Variants in SHANK2 observed in about 807,000 individuals in gnomAD.
The protein encoded by SHANK2 is SH3 and multiple ankyrin repeat domains protein 2.
A neutral mutation model predicts 133.7 loss-of-function variants in SHANK2; 43 were observed. The observed-to-expected ratio is 0.32, with a 90% confidence interval of 0.25 to 0.41. SHANK2 has a LOEUF of 0.41. Among genes scored for constraint, SHANK2 ranks in the 10% least tolerant of loss-of-function variants. The probability of loss-of-function intolerance (pLI) is 1.00; values close to 1 mark genes in which losing one functional copy is unlikely to be tolerated. For synonymous variants in SHANK2, 1,017 were observed against 952.8 expected (o/e 1.07, Z -1.24); for missense variants, 1,994 against 2,235.8 (o/e 0.89, Z 2.18).
chr11:70,577,115 C>T (rs1554984448), intron 17 of SHANK2, among the ~76,000 whole-genome samples: 1 of 152,212 alleles, frequency 6.6e-6, no homozygotes, highest in Non-Finnish European at 1.5e-5. Context: ...CAGCCTCTTC[C>T]CTCAGTCTGG....
rs1290652850 is a variant in SHANK2, at chr11:71,107,545, G to A, written c.592+2396C>T. On this transcript the variant is annotated intron_variant, in intron 6 of 25. Coordinates refer to ENST00000601538, the MANE Select transcript of SHANK2 (RefSeq NM_012309.5). Reference sequence around the variant, plus strand: ...TACCATCTCCACAGATCAGGTTCCCGAGCCTTTTCTACTCAGTTCCGGGGA... The same window carrying A: ...TACCATCTCCACAGATCAGGTTCCCAAGCCTTTTCTACTCAGTTCCGGGGA... 3.3e-5 allele frequency among the ~76,000 whole-genome samples: 5 copies of A among 152,170 alleles called. No homozygotes were observed. The East Asian group carries it at 9.6e-4, about 29-fold the overall frequency.
chr11:70,720,793 G>A (rs1386879648), intron 14 of SHANK2, among the ~76,000 whole-genome samples: 5 of 152,194 alleles, frequency 3.3e-5, no homozygotes, highest in Admixed American at 2.0e-4. Flanking sequence ...CAATGCACAC[G>A]TGTGCATGCA....
At chr11:71,210,247 TA>T (rs1565516782) in intron 2 of SHANK2, among the ~76,000 whole-genome samples, 184 of 93,538 alleles carry the variant, frequency 2.0e-3, no homozygotes, top group Non-Finnish European at 2.7e-3. Context: ...TATATATATA[TA>T]TATATTTATT....
chr11:70,528,793 A>AG (rs1417001951), intron 17 of SHANK2, among the ~76,000 whole-genome samples: 1 of 151,160 alleles, frequency 6.6e-6, no homozygotes, highest in East Asian at 2.0e-4. Flanking sequence ...TGAAAGGTGA[A>AG]GGGGGGTCCG....
chr11:70,820,705 A>G, intron 11 of SHANK2, 23 bp from the exon 12 acceptor site: 1 of 643,680 alleles, frequency 1.6e-6, no homozygotes, highest in Non-Finnish European at 2.8e-6. Flanking sequence ...ACATGGAGAG[A>G]GGCCGGTGAG....
At chr11:70,784,364 T>TTTTTTTTTTTTTTTTTTTG (rs1947598872) in intron 14 of SHANK2, among the ~76,000 whole-genome samples, 1 of 133,556 alleles carries the variant, frequency 7.5e-6, no homozygotes, top group African/African-American at 3.3e-5. Context: ...TTTTTTTTTT[T>TTTTTTTTTTTTTTTTTTTG]TTTTTTTTTT....
chr11:70,664,353 C>T (rs1555014307), intron 15 of SHANK2, among the ~76,000 whole-genome samples: 1 of 152,206 alleles, frequency 6.6e-6, no homozygotes, highest in African/African-American at 2.4e-5. Flanking sequence ...TGTGTGTCTC[C>T]TGTGTCTCCT....
chr11:71,060,160 G>A (rs1402350075), intron 9 of SHANK2, among the ~76,000 whole-genome samples: 1 of 152,290 alleles, frequency 6.6e-6, no homozygotes, highest in African/African-American at 2.4e-5. Context: ...GCAATGTCTG[G>A]AGACATTTTT....
intron 17 of SHANK2, among the ~76,000 whole-genome samples, chr11:70,587,334 C>G (rs530753074): frequency 5.7e-4 from 87 of 152,280 alleles, no homozygotes; most frequent in Non-Finnish European, 1.0e-3. Context: ...ACTAGACAGG[C>G]CCTAATGGGG....
At chr11:70,906,555 A>AGG (rs1950106980) in intron 10 of SHANK2, among the ~76,000 whole-genome samples, 1 of 152,206 alleles carries the variant, frequency 6.6e-6, no homozygotes, top group Non-Finnish European at 1.5e-5. Flanking sequence ...AGAGCTATTT[A>AGG]GAGGCGGCTC....
intron 14 of SHANK2, among the ~76,000 whole-genome samples, chr11:70,733,730 C>T (rs1946336182): frequency 6.6e-6 from 1 of 152,132 alleles, no homozygotes; most frequent in Non-Finnish European, 1.5e-5. Context: ...TTAGGGTGGG[C>T]CGTGCCCCAC....
intron 14 of SHANK2, among the ~76,000 whole-genome samples, chr11:70,702,297 T>C (rs1198632873): frequency 7.1e-6 from 1 of 140,286 alleles, no homozygotes; most frequent in Non-Finnish European, 1.5e-5. Context: ...CACCATCTTC[T>C]TCACCATCAT....
chr11:70,869,374 A>G (rs1396492430), intron 11 of SHANK2, among the ~76,000 whole-genome samples: 2 of 152,236 alleles, frequency 1.3e-5, no homozygotes, highest in African/African-American at 2.4e-5. Flanking sequence ...TCCACAGGCC[A>G]CAGAATGCTT....
chr11:70,696,903 G>C lies in SHANK2; in HGVS notation c.1853+1785C>G, dbSNP rs782225343. On this transcript the variant is annotated intron_variant, in intron 15 of 25. Transcript: ENST00000601538. ...TAAAGGGATGAGCAAAATGTGGTCC[G>C]TCCATACAATGAAACATTATTCAAT... Among the ~76,000 whole-genome samples the C allele has an allele frequency of 2.0e-5, 3 of 152,296 alleles. No homozygotes were observed. In the East Asian group the frequency reaches 5.8e-4, roughly 29 times the overall value.
intron 6 of SHANK2, among the ~76,000 whole-genome samples, chr11:71,103,151 A>C (rs1263938198): frequency 6.6e-6 from 1 of 152,198 alleles, no homozygotes; most frequent in African/African-American, 2.4e-5. Flanking sequence ...GTTCAACAGT[A>C]TAGAGGATGC....
chr11:70,716,023 C>G (rs1555027172), intron 14 of SHANK2, among the ~76,000 whole-genome samples: 1 of 152,202 alleles, frequency 6.6e-6, no homozygotes, highest in Non-Finnish European at 1.5e-5. Context: ...ATGCCTGCCC[C>G]TCCAACACCC....
At chr11:71,152,593 CCCTTGGTA>C (rs1305484283) in intron 2 of SHANK2, among the ~76,000 whole-genome samples, 1 of 152,192 alleles carries the variant, frequency 6.6e-6, no homozygotes, top group Non-Finnish European at 1.5e-5. Flanking sequence ...CTCCTGTGTC[CCCTTGGTA>C]CCGGCTCTGG....
At chr11:70,706,022 G>C (rs1290829919) in intron 14 of SHANK2, 1 of 152,450 alleles carries the variant, frequency 6.6e-6, no homozygotes, top group Non-Finnish European at 1.5e-5. Context: ...TGCCTTCTAT[G>C]GCACAAGCCA....
chr11:71,125,306 TC>T (rs782467733), intron 3 of SHANK2, among the ~76,000 whole-genome samples: 2 of 152,184 alleles, frequency 1.3e-5, no homozygotes, highest in Admixed American at 6.5e-5. Context: ...AAGTGAGGCC[TC>T]CAGCACCAAA....
Sources: gnomAD v4.1 joint callset for allele counts (sites outside exome capture counted in the v4.1 genomes callset) on GRCh38, gnomAD v4.1.1 for gene constraint, MANE v1.5 for transcripts, NCBI Gene and HGNC (gene_info 2026-07-23, HGNC 2026-07-21) for gene names.